CASTOR2: variants seen among roughly 807,000 people sequenced by gnomAD.
CASTOR2 encodes the protein GATS protein like 2.
In CASTOR2, 8 loss-of-function variants were observed where a neutral mutation model predicts 31.2. The observed-to-expected ratio is 0.26, with a 90% CI of 0.15 to 0.46. The LOEUF (loss-of-function observed/expected upper bound fraction) is 0.46. Ranked by LOEUF, CASTOR2 falls within the 20% of genes least tolerant of loss-of-function variation. The pLI is 0.99. For missense variants in CASTOR2, 216 were observed against 382.1 expected (o/e 0.57, Z 3.62); for synonymous variants, 162 against 158.7 (o/e 1.02, Z -0.16).
chr7:75,022,615 T>C (rs1805032124), intron 7 of CASTOR2, among the ~76,000 whole-genome samples: 1 of 150,484 alleles, frequency 6.6e-6, no homozygotes, highest in East Asian at 2.0e-4. Context: ...CTGGCCAATA[T>C]GACGAAACCC....
At chr7:75,002,789 G>A (rs1441537562) in intron 1 of CASTOR2, among the ~76,000 whole-genome samples, 7 of 151,856 alleles carry the variant, frequency 4.6e-5, no homozygotes, top group East Asian at 1.9e-4. Context: ...AGTGACCTTC[G>A]AGTATAGAAG....
chr7:75,024,894 T>C lies in CASTOR2; in HGVS notation c.*195T>C. ...CAAGGCCTCTCCATGCCCTCCTGCC[T>C]TCCCGGAGCCCCCCGACCCTCCAGA... On this transcript the variant is annotated 3_prime_UTR_variant, in exon 9 of 9. Coordinates refer to ENST00000616305, the MANE Select transcript of CASTOR2 (RefSeq NM_001145064.3). The C allele has an allele frequency of 7.4e-7, 1 of 1,352,744 alleles. No homozygotes were observed. The highest frequency in any genetic ancestry group is 1.4e-5 in the South Asian group (1 of 72,942). 83.8% of individuals were successfully genotyped at this position (1,352,744 alleles called of 1,614,324 possible).
chr7:75,014,763 G>A (rs1804830030), intron 2 of CASTOR2, among the ~76,000 whole-genome samples: 1 of 152,140 alleles, frequency 6.6e-6, no homozygotes, highest in Non-Finnish European at 1.5e-5. Flanking sequence ...TTTCCAGCTG[G>A]TCTCAGGCCT....
In CASTOR2 at chr7:75,026,064, C is replaced by T. The variant is rs1563066280; in HGVS notation, c.*1365C>T. Among the ~76,000 whole-genome samples, 1 of 152,026 alleles carries T rather than the reference C, an allele frequency of 6.6e-6. No homozygotes were observed. The highest frequency in any genetic ancestry group is 2.1e-4 in the South Asian group (1 of 4,822). ...CGAGGGCCATGGGGAGGTGGACAGC[C>T]AGGTGGCAGGCCAGCTGAGTGGTCA... On this transcript the variant is annotated 3_prime_UTR_variant, in exon 9 of 9. Transcript: ENST00000616305.
At position 75,030,132 on chromosome 7, in the gene CASTOR2, G is replaced by A. The variant is rs1189624097; in HGVS notation, c.*5433G>A. 6.6e-6 allele frequency among the ~76,000 whole-genome samples: 1 copy of A among 152,254 alleles called. No individual in the cohort carries two copies. Among genetic ancestry groups the A allele is most frequent in the East Asian group, 1.9e-4 (1 of 5,194 alleles). Reference sequence around the variant, plus strand: ...AGAGCTTGTGGCTGTCACTATAAGGGAAGAGGAGCTATGGAAATTGGAAGT... The same window carrying A: ...AGAGCTTGTGGCTGTCACTATAAGGAAAGAGGAGCTATGGAAATTGGAAGT... On this transcript the variant is annotated 3_prime_UTR_variant, in exon 9 of 9. Transcript: ENST00000616305.
At position 75,026,188 on chromosome 7, in the gene CASTOR2, G is replaced by GTTTTTTTTTTTTTTTTTT. The variant is rs1178084776; in HGVS notation, c.*1489_*1490insTTTTTTTTTTTTTTTTTT. Among the ~76,000 whole-genome samples, 1,170 of 113,090 alleles carry GTTTTTTTTTTTTTTTTTT rather than the reference G, an allele frequency of 0.01. 41 individuals are homozygous for GTTTTTTTTTTTTTTTTTT. Among genetic ancestry groups the GTTTTTTTTTTTTTTTTTT allele is most frequent in the African/African-American group, 0.026 (790 of 29,918 alleles). 74.2% of individuals were successfully genotyped at this position (113,090 alleles called of 152,430 possible). ...CCCCTGTGGTTTTGGCTCTGGCGGG[G>GTTTTTTTTTTTTTTTTTT]GTTTTTTTTTTTTTTTTTGAGATGG... On this transcript the variant is annotated 3_prime_UTR_variant, in exon 9 of 9. Coordinates refer to ENST00000616305, the MANE Select transcript of CASTOR2 (RefSeq NM_001145064.3).
In CASTOR2 at chr7:75,026,188, G is replaced by GTTT. The variant is rs1178084776; in HGVS notation, c.*1489_*1490insTTT. ...CCCCTGTGGTTTTGGCTCTGGCGGG[G>GTTT]GTTTTTTTTTTTTTTTTTGAGATGG... On this transcript the variant is annotated 3_prime_UTR_variant, in exon 9 of 9. Transcript: ENST00000616305. 8.0e-4 allele frequency among the ~76,000 whole-genome samples: 91 copies of GTTT among 113,228 alleles called. No homozygotes were observed. Among genetic ancestry groups the GTTT allele is most frequent in the South Asian group, 1.7e-3 (6 of 3,546 alleles). 74.3% of individuals were successfully genotyped at this position (113,228 alleles called of 152,430 possible).
chr7:75,017,223 C>T (rs1308082505), intron 2 of CASTOR2, among the ~76,000 whole-genome samples: 11 of 152,080 alleles, frequency 7.2e-5, no homozygotes, highest in Admixed American at 1.3e-4. Context: ...CTGATGCGGG[C>T]GGATCACGAG....
rs1308841691 is a variant in CASTOR2 at position 75,031,233 on chromosome 7, CGTA to C, written c.*6537_*6539del. On this transcript the variant is annotated 3_prime_UTR_variant, in exon 9 of 9. Coordinates refer to ENST00000616305, the MANE Select transcript of CASTOR2 (RefSeq NM_001145064.3). The stretch of plus-strand genomic sequence containing the variant: ...CTGCCCTGCCCAGAGCCCCCACCAT[CGTA>C]GTGGGGGCAGGGGACTTCCTGCCCA... Among the ~76,000 whole-genome samples, 1 of 152,056 alleles carries C rather than the reference CGTA, an allele frequency of 6.6e-6. No homozygotes were observed. Among genetic ancestry groups the C allele is most frequent in the Non-Finnish European group, 1.5e-5 (1 of 67,994 alleles).
At chr7:74,978,348 C>G (rs1216118725) in intron 1 of CASTOR2, among the ~76,000 whole-genome samples, 3 of 137,046 alleles carry the variant, frequency 2.2e-5, no homozygotes, top group African/African-American at 8.2e-5. Context: ...AAGTGATCCA[C>G]CAGCCTCGGC....
chr7:74,985,789 G>A (rs1179997400), intron 1 of CASTOR2, among the ~76,000 whole-genome samples: 1 of 151,940 alleles, frequency 6.6e-6, no homozygotes, highest in Non-Finnish European at 1.5e-5. Context: ...GACAGACCAA[G>A]CCCAGCACCG....
rs1237925992 is a variant in CASTOR2, at chr7:74,997,536, G to A, written c.114-10458G>A. Among the ~76,000 whole-genome samples, 80 of 151,044 alleles carry A rather than the reference G, an allele frequency of 5.3e-4. 3 individuals are homozygous for A. Among genetic ancestry groups the A allele is most frequent in the African/African-American group, 1.9e-3 (77 of 41,110 alleles). ...GAACTCCCAGGTTCAAGCGATTCTT[G>A]TGCTTCAGCCCCCCAAGTAGCTAGG... On this transcript the variant is annotated intron_variant, in intron 1 of 8. Transcript: ENST00000616305.
chr7:75,013,269 G>A (rs1414888756), intron 2 of CASTOR2, among the ~76,000 whole-genome samples: 2 of 152,238 alleles, frequency 1.3e-5, no homozygotes, highest in African/African-American at 4.8e-5. Context: ...TTCAGTGGAT[G>A]CTGGGTCTTT....
intron 3 of CASTOR2, 28 bp from the exon 4 acceptor site, chr7:75,017,962 A>G (rs1276756302): frequency 1.2e-5 from 20 of 1,614,016 alleles, no homozygotes; most frequent in Non-Finnish European, 1.7e-6. Flanking sequence ...GCCACCAGGC[A>G]CACACGGCCT....
At position 75,028,182 on chromosome 7, in the gene CASTOR2, A is replaced by G; in HGVS notation, c.*3483A>G. 3 of 1,118,600 alleles carry G rather than the reference A, an allele frequency of 2.7e-6. No individual in the cohort carries two copies. Among genetic ancestry groups the G allele is most frequent in the Non-Finnish European group, 3.7e-6 (3 of 814,690 alleles). The allele number at this position is 1,118,600 out of a possible 1,614,324, so 69.3% of individuals were successfully genotyped here. A position where few individuals can be genotyped will look rare whatever the true frequency, so the allele number is the denominator to read the frequency against. On this transcript the variant is annotated 3_prime_UTR_variant, in exon 9 of 9. Coordinates refer to ENST00000616305, the MANE Select transcript of CASTOR2 (RefSeq NM_001145064.3). ...GCCCAGGCTGGAGTGCTGTGGCATG[A>G]TCTCAGCTCACTGCAGCAACCTCCA...
intron 1 of CASTOR2, among the ~76,000 whole-genome samples, chr7:74,977,050 G>A (rs1473107014): frequency 3.3e-5 from 5 of 151,286 alleles, no homozygotes; most frequent in African/African-American, 1.2e-4. Flanking sequence ...CTGATGTGGT[G>A]GTGGGCGCCT....
intron 1 of CASTOR2, among the ~76,000 whole-genome samples, chr7:74,989,199 C>T (rs1362026794): frequency 2.0e-4 from 31 of 151,576 alleles, no homozygotes; most frequent in African/African-American, 7.0e-4. Context: ...CTCCTGACCT[C>T]GTGATTCGCC....
intron 3 of CASTOR2, 39 bp downstream of exon 3, chr7:75,017,830 C>G (rs1437730368): frequency 2.1e-5 from 34 of 1,613,812 alleles, no homozygotes; most frequent in Non-Finnish European, 3.4e-6. Flanking sequence ...CACACTCATG[C>G]CCGCCTCTGA....
At chr7:75,017,225 G>A (rs1388806495) in intron 2 of CASTOR2, among the ~76,000 whole-genome samples, 1 of 152,092 alleles carries the variant, frequency 6.6e-6, no homozygotes, top group African/African-American at 2.4e-5. Context: ...GATGCGGGCG[G>A]ATCACGAGGT....
Sources: allele counts gnomAD v4.1 joint callset (sites outside exome capture counted in the v4.1 genomes callset), GRCh38; gene constraint gnomAD v4.1.1; transcripts MANE v1.5; gene names NCBI Gene and HGNC (gene_info 2026-07-23, HGNC 2026-07-21).